The following RTF2 variants were observed in gnomAD, a reference collection of about 807,000 sequenced individuals.
RTF2 encodes UPF0549 protein C20orf43.
RTF2 carries 18 observed loss-of-function variants against 38.0 expected under a neutral mutation model. The ratio of observed to expected loss-of-function variants is 0.47; its 90% CI spans 0.33 to 0.70. The LOEUF is 0.70. RTF2 is among the 30% of genes least tolerant of loss of function. RTF2 has a pLI of 0.02. For missense variants in RTF2, 311 were observed against 379.6 expected, an observed-to-expected ratio of 0.82 and a Z score of 1.50; for synonymous variants, 126 against 137.1, an observed-to-expected ratio of 0.92 and a Z score of 0.57.
intron 5 of RTF2, among the ~76,000 whole-genome samples, chr20:56,508,000 C>T (rs969606063): frequency 2.2e-4 from 33 of 152,226 alleles, no homozygotes; most frequent in Admixed American, 3.9e-4. Flanking sequence ...AAACAAGCTC[C>T]TTTTCTTCAA....
intron 5 of RTF2, among the ~76,000 whole-genome samples, chr20:56,511,186 C>A (rs1022210630): frequency 6.6e-6 from 1 of 152,016 alleles, no homozygotes; most frequent in Admixed American, 6.6e-5. Flanking sequence ...GATCACAGGT[C>A]CCCAACCCCC....
At chr20:56,474,339 G>A (rs1361671157) in intron 2 of RTF2, among the ~76,000 whole-genome samples, 1 of 152,088 alleles carries the variant, frequency 6.6e-6, no homozygotes, top group African/African-American at 2.4e-5. Flanking sequence ...AAATTAGCCA[G>A]GCATGGTGGC....
chr20:56,474,528 T>C (rs1323018132), intron 2 of RTF2, 150 bp from the exon 3 acceptor site: 7 of 513,164 alleles, frequency 1.4e-5, no homozygotes, highest in Non-Finnish European at 2.4e-5. Flanking sequence ...CTGGAAATAG[T>C]TGAAACAGGG....
In RTF2 at chr20:56,474,708, T is replaced by C. The variant is rs757405882; in HGVS notation, c.195T>C (p.Phe65=). Residue 65 remains phenylalanine, a synonymous_variant, in exon 3 of 9, where the codon TTT becomes TTC. Transcript: ENST00000357348. ...ATAACAAAGATGCCGTCATTGAATT[T>C]CTCTTGGACAAATCTGCAGAAAAGG... is the stretch of plus-strand genomic sequence containing the variant. The part of the protein sequence containing the change: ...RLYNKDAVIE[F]LLDKSAEKAL... 4.3e-6 allele frequency: 7 copies of C among 1,611,182 alleles called. No homozygotes were observed.
intron 5 of RTF2, among the ~76,000 whole-genome samples, chr20:56,484,580 C>T (rs973343618): frequency 3.3e-5 from 5 of 152,198 alleles, no homozygotes; most frequent in African/African-American, 4.8e-5. Flanking sequence ...AATGTAATTG[C>T]GTATGTATGT....
At chr20:56,485,122 T>A (rs1460472467) in intron 5 of RTF2, among the ~76,000 whole-genome samples, 1 of 152,038 alleles carries the variant, frequency 6.6e-6, no homozygotes, top group Non-Finnish European at 1.5e-5. Flanking sequence ...CAGAATCGAT[T>A]GTGACCGATG....
At chr20:56,497,040 A>T (rs2146346485) in intron 5 of RTF2, 1 of 1,551,764 alleles carries the variant, frequency 6.4e-7, no homozygotes, top group East Asian at 2.4e-5. Flanking sequence ...ATGCACTAGA[A>T]CTTTCATACA....
At chr20:56,483,153 A>G (rs747486318) in intron 4 of RTF2, among the ~76,000 whole-genome samples, 5 of 152,050 alleles carry the variant, frequency 3.3e-5, no homozygotes, top group Non-Finnish European at 5.9e-5. Context: ...TTGCTATACT[A>G]CACAACTTCC....
At chr20:56,505,787 T>C (rs1984227249) in intron 5 of RTF2, among the ~76,000 whole-genome samples, 1 of 152,116 alleles carries the variant, frequency 6.6e-6, no homozygotes, top group Non-Finnish European at 1.5e-5. Flanking sequence ...CCATTTCTAT[T>C]GGTAATAAAT....
At chr20:56,470,034 C>T (rs1241438664) in intron 1 of RTF2, among the ~76,000 whole-genome samples, 1 of 152,160 alleles carries the variant, frequency 6.6e-6, no homozygotes, top group Non-Finnish European at 1.5e-5. Flanking sequence ...CTCTTTCCCA[C>T]GTAGACAGGA....
intron 4 of RTF2, 42 bp from the exon 5 acceptor site, chr20:56,484,069 T>G (rs1226807691): frequency 6.6e-7 from 1 of 1,518,866 alleles, no homozygotes; most frequent in East Asian, 2.3e-5. Flanking sequence ...GAATTGATCA[T>G]GTGATTAATA....
intron 5 of RTF2, among the ~76,000 whole-genome samples, chr20:56,486,786 G>T (rs374848798): frequency 6.6e-6 from 1 of 152,206 alleles, no homozygotes; most frequent in East Asian, 1.9e-4. Context: ...AAACACTGTT[G>T]TAAGTCCTGC....
At chr20:56,490,937 C>T (rs1263051293) in intron 5 of RTF2, among the ~76,000 whole-genome samples, 1 of 152,210 alleles carries the variant, frequency 6.6e-6, no homozygotes, top group Non-Finnish European at 1.5e-5. Context: ...CTGTGGTGAG[C>T]AGTTAGACAG....
Position 56,508,582 on chromosome 20 carries a change from G to A in RTF2, c.478-4733G>A, listed in dbSNP as rs6024918. Among the ~76,000 whole-genome samples the A allele has an allele frequency of 3.8e-3, 577 of 152,256 alleles. 4 individuals carry two copies. Among genetic ancestry groups the A allele is most frequent in the African/African-American group, 0.013 (540 of 41,548 alleles). ...TAGAGTTTTTCATAGATATTAGAAAGATAAATTTTGGTTGATCCACTCAAT... is the reference window on the plus strand; with the variant it reads ...TAGAGTTTTTCATAGATATTAGAAAAATAAATTTTGGTTGATCCACTCAAT... On this transcript the variant is annotated intron_variant, in intron 5 of 8. Transcript: ENST00000357348.
rs536004618 is a variant in RTF2 at position 56,492,954 on chromosome 20, G to A, written c.477+8765G>A. Among the ~76,000 whole-genome samples, 17 of 152,206 alleles carry A rather than the reference G, an allele frequency of 1.1e-4. No individual in the cohort carries two copies. The East Asian group carries it at 3.3e-3, about 29-fold the overall frequency. On this transcript the variant is annotated intron_variant, in intron 5 of 8. Transcript: ENST00000357348. ...GCACTTTGGGAGGCCGAGGCGGGTGGATCACGAGGGCAGGAGATCAAGACC... is the reference window on the plus strand; with the variant it reads ...GCACTTTGGGAGGCCGAGGCGGGTGAATCACGAGGGCAGGAGATCAAGACC...
chr20:56,505,412 C>T (rs1984199881), intron 5 of RTF2, among the ~76,000 whole-genome samples: 1 of 151,634 alleles, frequency 6.6e-6, no homozygotes, highest in Non-Finnish European at 1.5e-5. Context: ...TGCTCGAGTC[C>T]AGGAATTTGA....
At chr20:56,489,090 C>A (rs558313942) in intron 5 of RTF2, among the ~76,000 whole-genome samples, 2 of 152,056 alleles carry the variant, frequency 1.3e-5, no homozygotes, top group African/African-American at 4.8e-5. Context: ...GAGTCTTGCT[C>A]TGTTGCCCAG....
At chr20:56,491,563 G>A in intron 5 of RTF2, 1 of 1,540,818 alleles carries the variant, frequency 6.5e-7, no homozygotes, top group Non-Finnish European at 8.8e-7. Flanking sequence ...CTCCCTAGCG[G>A]TTCAGTCTCA....
chr20:56,490,472 C>T (rs1447877039), intron 5 of RTF2, among the ~76,000 whole-genome samples: 4 of 152,198 alleles, frequency 2.6e-5, no homozygotes, highest in African/African-American at 7.2e-5. Context: ...ATTCATGTCT[C>T]AGATCTGTGC....
Sources: allele counts gnomAD v4.1 joint callset (sites outside exome capture counted in the v4.1 genomes callset), GRCh38; gene constraint gnomAD v4.1.1; transcripts MANE v1.5; gene names NCBI Gene and HGNC (gene_info 2026-07-23, HGNC 2026-07-21).